ITGA2: variants seen among roughly 807,000 people sequenced by gnomAD.
ITGA2 encodes the protein integrin subunit alpha 2.
A neutral mutation model predicts 146.3 loss-of-function variants in ITGA2; 101 were observed. The observed-to-expected ratio is 0.69, with a 90% CI of 0.59 to 0.81. The LOEUF (loss-of-function observed/expected upper bound fraction) is 0.81, where lower values mean the gene tolerates loss of function less well. Among genes scored for constraint, ITGA2 ranks in the 40% least tolerant of loss-of-function variants. ITGA2 has a pLI of 0.00. For missense variants in ITGA2, 1,281 were observed against 1,402.7 expected, an observed-to-expected ratio of 0.91 and a Z score of 1.39; for synonymous variants, 477 against 487.1, an observed-to-expected ratio of 0.98 and a Z score of 0.27.
intron 1 of ITGA2, among the ~76,000 whole-genome samples, chr5:52,991,532 T>A (rs952171187): frequency 1.3e-5 from 2 of 152,172 alleles, no homozygotes; most frequent in African/African-American, 4.8e-5. Flanking sequence ...ATTATGATGA[T>A]CTTAAATTAA....
chr5:53,015,862 T>G (rs1430886851), intron 1 of ITGA2, among the ~76,000 whole-genome samples: 1 of 152,146 alleles, frequency 6.6e-6, no homozygotes, highest in Non-Finnish European at 1.5e-5. Flanking sequence ...CCTTTCTGAT[T>G]GTTGTTGGTT....
rs1745891601 is a variant in ITGA2, at chr5:53,081,013, T to C, written c.3039+392T>C. On this transcript the variant is annotated intron_variant, in intron 25 of 29. Transcript: ENST00000296585. ...TCGCCTGGTAATACTCAACCCTGGC[T>C]GTTCATTTTAATCCCTCTGTTCGCT... 3.9e-5 allele frequency among the ~76,000 whole-genome samples: 6 copies of C among 152,154 alleles called. No homozygotes were observed. The South Asian group carries it at 1.2e-3, about 32-fold the overall frequency.
chr5:53,084,292 A>AT (rs143292426), intron 27 of ITGA2, among the ~76,000 whole-genome samples: 52,776 of 150,470 alleles, frequency 0.35, 10,624 homozygotes, highest in Non-Finnish European at 0.45. Context: ...CTCTTACTAG[A>AT]TTTTTTTTTT....
intron 1 of ITGA2, among the ~76,000 whole-genome samples, chr5:53,024,282 T>C (rs1332680068): frequency 6.6e-6 from 1 of 152,176 alleles, no homozygotes; most frequent in Non-Finnish European, 1.5e-5. Flanking sequence ...AGATGCGAGT[T>C]GGAATAAACA....
chr5:53,078,289 C>T lies in ITGA2; in HGVS notation c.2826-483C>T, dbSNP rs540719083. 4.6e-5 allele frequency among the ~76,000 whole-genome samples: 7 copies of T among 152,114 alleles called. 1 individual carries two copies. The highest frequency in any genetic ancestry group is 4.6e-4 in the Admixed American group (7 of 15,264). ...TGCAACTAAAGAAGGATAGGAAGAACGAATAATACAGGCATCCAATAATGA... is the reference window on the plus strand; with the variant it reads ...TGCAACTAAAGAAGGATAGGAAGAATGAATAATACAGGCATCCAATAATGA... On this transcript the variant is annotated intron_variant, in intron 23 of 29. Transcript: ENST00000296585.
chr5:53,018,837 G>A (rs997339331), intron 1 of ITGA2, among the ~76,000 whole-genome samples: 6 of 152,248 alleles, frequency 3.9e-5, no homozygotes, highest in South Asian at 4.1e-4. Context: ...GCCGAGGCAC[G>A]TGGGTCTCCT....
chr5:53,005,489 G>C (rs1741796115), intron 1 of ITGA2, among the ~76,000 whole-genome samples: 2 of 151,426 alleles, frequency 1.3e-5, no homozygotes, highest in Non-Finnish European at 2.9e-5. Context: ...GCTGAGGTAG[G>C]AGAATTGCTG....
intron 1 of ITGA2, among the ~76,000 whole-genome samples, chr5:52,998,671 T>C (rs2111681259): frequency 6.6e-6 from 1 of 152,304 alleles, no homozygotes; most frequent in Non-Finnish European, 1.5e-5. Context: ...GACCCTTCCA[T>C]AGCAATGTTA....
intron 28 of ITGA2, among the ~76,000 whole-genome samples, chr5:53,088,676 ACTCTGT>A (rs2112046834): frequency 8.1e-6 from 1 of 123,778 alleles, no homozygotes; most frequent in East Asian, 2.2e-4. Context: ...ACAGAGAGAG[ACTCTGT>A]CTCAAAAAAA....
At position 52,989,630 on chromosome 5, in the gene ITGA2, G is replaced by T. The variant is rs527490364; in HGVS notation, c.64+98G>T. On this transcript the variant is annotated intron_variant, in intron 1 of 29. Transcript: ENST00000296585. ...TGGGCGGAACTAGGGAGCGAGCTCCGTGTGTTCCCTCGGATTCCACGTGGA... is the reference window on the plus strand; with the variant it reads ...TGGGCGGAACTAGGGAGCGAGCTCCTTGTGTTCCCTCGGATTCCACGTGGA... 3 of 1,331,580 alleles carry T rather than the reference G, an allele frequency of 2.3e-6. No individual in the cohort carries two copies. In the South Asian group the frequency reaches 3.6e-5, roughly 16 times the overall value. The allele number at this position is 1,331,580 out of a possible 1,614,324, so 82.5% of individuals were successfully genotyped here.
Position 53,090,809 on chromosome 5 carries a change from G to GA in ITGA2, c.*214dup. The GA allele has an allele frequency of 1.6e-6, 1 of 610,054 alleles. No individual in the cohort carries two copies. Among genetic ancestry groups the GA allele is most frequent in the Non-Finnish European group, 2.9e-6 (1 of 341,028 alleles). 37.8% of individuals were successfully genotyped at this position (610,054 alleles called of 1,614,324 possible). ...GGGGGGCAGGTAGGGAAATAATAGGGAAAATACCTATTTTATATGATGGGG... is the reference window on the plus strand; with the variant it reads ...GGGGGGCAGGTAGGGAAATAATAGGGAAAAATACCTATTTTATATGATGGGG... On this transcript the variant is annotated 3_prime_UTR_variant, in exon 30 of 30. Coordinates refer to ENST00000296585, the MANE Select transcript of ITGA2 (RefSeq NM_002203.4).
rs1256897500 is a variant in ITGA2 at position 53,073,253 on chromosome 5, C to T, written c.2565C>T (p.Ser855=). The stretch of plus-strand genomic sequence containing the variant: ...AAAACTTGTTTTTTGCATCATTCTC[C>T]CTGCCGGTATGTGATGAGACCCTGT... The part of the protein sequence containing the change: ...FSENLFFASF[S]LPVDGTEVTC... Residue 855 remains serine (S), a synonymous_variant, in exon 20 of 30, where the codon TCC becomes TCT. Coordinates refer to ENST00000296585, the MANE Select transcript of ITGA2 (RefSeq NM_002203.4). 6.2e-7 allele frequency: 1 copy of T among 1,612,232 alleles called. No individual in the cohort carries two copies. The highest frequency in any genetic ancestry group is 1.7e-5 in the Admixed American group (1 of 59,932).
intron 13 of ITGA2, among the ~76,000 whole-genome samples, chr5:53,064,568 G>C (rs1745059756): frequency 6.6e-6 from 1 of 151,384 alleles, no homozygotes; most frequent in African/African-American, 2.4e-5. Context: ...AAATAGATGG[G>C]GACTTGCTCT....
chr5:53,009,955 T>C (rs3212401), intron 1 of ITGA2, among the ~76,000 whole-genome samples: 83 of 152,290 alleles, frequency 5.5e-4, no homozygotes, highest in African/African-American at 1.9e-3. Context: ...ACCCAGTCTA[T>C]GGTACTTTGT....
rs143667535 is a variant in ITGA2 at position 52,989,456 on chromosome 5, G to A, written c.-13G>A. 6,192 of 1,614,136 alleles carry A rather than the reference G, an allele frequency of 3.8e-3. 17 individuals carry two copies. Among genetic ancestry groups the A allele is most frequent in the Non-Finnish European group, 4.6e-3 (5,477 of 1,179,954 alleles). ...AAACCCAGCGCAACTACGGTCCCCC[G>A]GTCAGACCCAGGATGGGGCCAGAAC... is the stretch of plus-strand genomic sequence containing the variant. On this transcript the variant is annotated 5_prime_UTR_variant, in exon 1 of 30. Coordinates refer to ENST00000296585, the MANE Select transcript of ITGA2 (RefSeq NM_002203.4).
At chr5:53,023,955 A>T (rs573396040) in intron 1 of ITGA2, among the ~76,000 whole-genome samples, 2 of 152,356 alleles carry the variant, frequency 1.3e-5, no homozygotes, top group African/African-American at 4.8e-5. Context: ...ATAAAGGGAA[A>T]GATTTAAGTA....
chr5:53,086,474 C>A (rs1746162155), intron 27 of ITGA2, among the ~76,000 whole-genome samples: 1 of 152,162 alleles, frequency 6.6e-6, no homozygotes, highest in Admixed American at 6.5e-5. Context: ...AAGGAAAGTT[C>A]TCTTACCTTT....
At chr5:53,002,832 T>G (rs1741650247) in intron 1 of ITGA2, among the ~76,000 whole-genome samples, 1 of 152,234 alleles carries the variant, frequency 6.6e-6, no homozygotes, top group Non-Finnish European at 1.5e-5. Context: ...GATTTTCATT[T>G]ACTTCTTGAA....
chr5:53,039,369 C>T (rs938613002), intron 2 of ITGA2, among the ~76,000 whole-genome samples: 5 of 152,140 alleles, frequency 3.3e-5, no homozygotes, highest in African/African-American at 4.8e-5. Context: ...GAACAGATGA[C>T]ACAATAACAC....
Sources: gnomAD v4.1 joint callset for allele counts (sites outside exome capture counted in the v4.1 genomes callset) on GRCh38, gnomAD v4.1.1 for gene constraint, MANE v1.5 for transcripts, NCBI Gene and HGNC (gene_info 2026-07-23, HGNC 2026-07-21) for gene names.